CELF4: variants seen among roughly 807,000 people sequenced by gnomAD.
CELF4 encodes CUG-BP- and ETR-3-like factor 4.
Under a neutral mutation model 59.9 loss-of-function variants are expected in CELF4, and 18 were observed. The ratio of observed to expected loss-of-function variants is 0.30; its 90% CI spans 0.21 to 0.45. CELF4 has a LOEUF of 0.45. Among genes scored for constraint, CELF4 ranks in the 20% least tolerant of loss-of-function variants. CELF4 has a pLI of 1.00. For missense variants in CELF4, 456 were observed against 689.0 expected (o/e 0.66, Z 3.79); for synonymous variants, 261 against 267.1 (o/e 0.98, Z 0.22).
intron 1 of CELF4, among the ~76,000 whole-genome samples, chr18:37,517,633 GC>G (rs1462297072): frequency 2.0e-5 from 3 of 152,328 alleles, no homozygotes; most frequent in Admixed American, 2.0e-4. Context: ...CCAGGGCATG[GC>G]TCATCAGCGT....
chr18:37,472,184 G>A (rs562553127), intron 2 of CELF4, among the ~76,000 whole-genome samples: 2 of 152,372 alleles, frequency 1.3e-5, no homozygotes, highest in East Asian at 3.9e-4. Flanking sequence ...GGGCATGAAG[G>A]TGGTGATCTT....
At chr18:37,526,543 G>A (rs1332382236) in intron 1 of CELF4, among the ~76,000 whole-genome samples, 3 of 152,178 alleles carry the variant, frequency 2.0e-5, no homozygotes, top group African/African-American at 2.4e-5. Context: ...CGCTTGGGAG[G>A]TGGGTGACCT....
intron 2 of CELF4, among the ~76,000 whole-genome samples, chr18:37,461,178 A>G (rs1436278977): frequency 6.6e-6 from 1 of 152,210 alleles, no homozygotes; most frequent in Non-Finnish European, 1.5e-5. Context: ...TTCCCCATTG[A>G]GTCCTATGGG....
chr18:37,416,178 T>TCATTCATC (rs1557419521), intron 2 of CELF4, among the ~76,000 whole-genome samples: 2 of 151,362 alleles, frequency 1.3e-5, no homozygotes, highest in Admixed American at 6.6e-5. Context: ...CCATTTGAGG[T>TCATTCATC]CATCCATCCA....
Position 37,466,669 on chromosome 18 carries a change from A to G in CELF4, c.369+18856T>C, listed in dbSNP as rs572089727. Reference sequence around the variant, plus strand: ...GTGCCAATGCTGGGTCCACATGAATAAGTAGGACCCAGTCCCTGCCCTCAA... The same window carrying G: ...GTGCCAATGCTGGGTCCACATGAATGAGTAGGACCCAGTCCCTGCCCTCAA... On this transcript the variant is annotated intron_variant, in intron 2 of 12. Coordinates refer to ENST00000420428, the MANE Select transcript of CELF4 (RefSeq NM_020180.4). 3.3e-5 allele frequency among the ~76,000 whole-genome samples: 5 copies of G among 152,284 alleles called. No individual in the cohort carries two copies. The South Asian group carries it at 6.2e-4, about 19-fold the overall frequency.
chr18:37,458,705 G>C (rs1047470396), intron 2 of CELF4, among the ~76,000 whole-genome samples: 1 of 152,056 alleles, frequency 6.6e-6, no homozygotes, highest in Non-Finnish European at 1.5e-5. Context: ...TTGCAGAACC[G>C]GGCATCACAT....
intron 2 of CELF4, among the ~76,000 whole-genome samples, chr18:37,432,905 C>G (rs796646299): frequency 1.5e-4 from 23 of 152,312 alleles, no homozygotes; most frequent in African/African-American, 5.3e-4. Flanking sequence ...CTATTTCATG[C>G]TCTTTTGATT....
intron 3 of CELF4, among the ~76,000 whole-genome samples, chr18:37,303,816 T>C (rs1038964306): frequency 6.6e-6 from 1 of 152,050 alleles, no homozygotes; most frequent in Non-Finnish European, 1.5e-5. Context: ...ACATTCTACC[T>C]CCTCCCCACC....
At chr18:37,282,255 C>T (rs867884121) in intron 3 of CELF4, among the ~76,000 whole-genome samples, 1 of 152,132 alleles carries the variant, frequency 6.6e-6, no homozygotes, top group Non-Finnish European at 1.5e-5. Context: ...GGACATCAAA[C>T]TGAGCAAAGT....
rs1254955699 is a variant in CELF4 at position 37,334,778 on chromosome 18, CCTGGA to C, written c.370-12902_370-12898del. 2.0e-5 allele frequency among the ~76,000 whole-genome samples: 3 copies of C among 152,078 alleles called. No individual in the cohort carries two copies. In the East Asian group the frequency reaches 5.8e-4, roughly 30 times the overall value. ...GTGGCTCCCGGGCCTCAATCTTAGG[CCTGGA>C]GAGAGCAGGAAAGAGTCCCCAGGCA... On this transcript the variant is annotated intron_variant, in intron 2 of 12. Coordinates refer to ENST00000420428, the MANE Select transcript of CELF4 (RefSeq NM_020180.4).
At chr18:37,360,400 G>C (rs2098683975) in intron 2 of CELF4, among the ~76,000 whole-genome samples, 1 of 152,220 alleles carries the variant, frequency 6.6e-6, no homozygotes, top group Non-Finnish European at 1.5e-5. Flanking sequence ...CACAACCTGT[G>C]AGCAAGGCCT....
At chr18:37,329,752 C>G (rs1171258253) in intron 2 of CELF4, among the ~76,000 whole-genome samples, 1 of 152,256 alleles carries the variant, frequency 6.6e-6, no homozygotes, top group Non-Finnish European at 1.5e-5. Flanking sequence ...TTGCAAAGCA[C>G]ACATTCAAAG....
chr18:37,342,694 C>G (rs1013638474), intron 2 of CELF4, among the ~76,000 whole-genome samples: 2 of 152,232 alleles, frequency 1.3e-5, no homozygotes, highest in African/African-American at 2.4e-5. Flanking sequence ...GCCAGTTAAC[C>G]TCCCTGAACC....
chr18:37,533,827 C>T (rs1012993349), intron 1 of CELF4, among the ~76,000 whole-genome samples: 2 of 152,190 alleles, frequency 1.3e-5, no homozygotes, highest in African/African-American at 2.4e-5. Flanking sequence ...AAGGCATTGC[C>T]GTGACCAAAT....
At chr18:37,390,605 C>T (rs991141416) in intron 2 of CELF4, among the ~76,000 whole-genome samples, 1 of 151,868 alleles carries the variant, frequency 6.6e-6, no homozygotes, top group Non-Finnish European at 1.5e-5. Flanking sequence ...TGCTGGTGAG[C>T]AGAATTAAGC....
At chr18:37,382,594 T>A (rs2099052785) in intron 2 of CELF4, among the ~76,000 whole-genome samples, 1 of 152,172 alleles carries the variant, frequency 6.6e-6, no homozygotes, top group African/African-American at 2.4e-5. Context: ...GGTGCATGTG[T>A]ACACACATGC....
At chr18:37,273,249 T>C in intron 6 of CELF4, 86 bp from the exon 7 acceptor site, 1 of 1,514,840 alleles carries the variant, frequency 6.6e-7, no homozygotes, top group Non-Finnish European at 8.9e-7. Context: ...GAGACCAATC[T>C]CCCAGGCTCT....
chr18:37,546,797 C>T (rs961304962), intron 1 of CELF4, among the ~76,000 whole-genome samples: 3 of 152,214 alleles, frequency 2.0e-5, no homozygotes, highest in African/African-American at 7.2e-5. Context: ...AGCAGACACA[C>T]CACAGCCTGC....
In CELF4 at chr18:37,264,757, G is replaced by T; in HGVS notation, c.1166C>A (p.Pro389Gln). The change falls in exon 10 of 13, where the codon CCA becomes CAA. Residue 389 changes from proline to glutamine, a missense_variant and splice_region_variant. Coordinates refer to ENST00000420428, the MANE Select transcript of CELF4 (RefSeq NM_020180.4). ...AYAGVQQYAG[P>Q]AAYPAAYGQI... ...ACCATAGGCAGCAGGGTAGGCAGCTGCTGGAGGCCCAAGACAAGAAGCAAG... is the reference window on the plus strand; with the variant it reads ...ACCATAGGCAGCAGGGTAGGCAGCTTCTGGAGGCCCAAGACAAGAAGCAAG... 1 of 1,568,876 alleles carries T rather than the reference G, an allele frequency of 6.4e-7. No individual in the cohort carries two copies. Among genetic ancestry groups the T allele is most frequent in the Admixed American group, 1.9e-5 (1 of 53,548 alleles).
Sources: gnomAD v4.1 joint callset for allele counts (sites outside exome capture counted in the v4.1 genomes callset) on GRCh38, gnomAD v4.1.1 for gene constraint, MANE v1.5 for transcripts, NCBI Gene and HGNC (gene_info 2026-07-23, HGNC 2026-07-21) for gene names.